USP12: variants seen among roughly 807,000 people sequenced by gnomAD.
The protein encoded by USP12 is ubiquitin carboxyl-terminal hydrolase 12.
In USP12, 19 loss-of-function variants were observed where a neutral mutation model predicts 45.5. That is an observed-to-expected ratio of 0.42 (90% confidence interval 0.29 to 0.61). USP12 has a LOEUF of 0.61. USP12 is among the 20% of genes least tolerant of loss of function. The pLI is 0.22. For synonymous variants in USP12, 149 were observed against 148.8 expected, an observed-to-expected ratio of 1.00 and a Z score of -0.01; for missense variants, 242 against 447.7, an observed-to-expected ratio of 0.54 and a Z score of 4.15.
intron 1 of USP12, among the ~76,000 whole-genome samples, chr13:27,163,535 C>T (rs1458449940): frequency 6.6e-6 from 1 of 152,098 alleles, no homozygotes; most frequent in Non-Finnish European, 1.5e-5. Context: ...AAAAACATCT[C>T]ATTGCATGCA....
intron 1 of USP12, among the ~76,000 whole-genome samples, chr13:27,160,888 A>G (rs1282132813): frequency 6.6e-6 from 1 of 151,416 alleles, no homozygotes; most frequent in African/African-American, 2.4e-5. Context: ...GCACAGCTCA[A>G]CCCATCTCCC....
At chr13:27,133,107 G>A (rs1237444210) in intron 1 of USP12, among the ~76,000 whole-genome samples, 1 of 152,144 alleles carries the variant, frequency 6.6e-6, no homozygotes, top group African/African-American at 2.4e-5. Flanking sequence ...ACTAGCTGTT[G>A]TCTCTCTAAT....
rs202096048 is a variant in USP12 at position 27,076,746 on chromosome 13, GA to G, written c.735-1359del. On this transcript the variant is annotated intron_variant, in intron 6 of 8. Coordinates refer to ENST00000282344, the MANE Select transcript of USP12 (RefSeq NM_182488.4). Reference sequence around the variant, plus strand: ...TGGTAAGCCACTGCCTCTAATAAGTGAAAAAAAAAATCATTTTATAACATTA... The same window carrying G: ...TGGTAAGCCACTGCCTCTAATAAGTGAAAAAAAAATCATTTTATAACATTA... Among the ~76,000 whole-genome samples the G allele has an allele frequency of 5.7e-4, 84 of 148,524 alleles. 1 individual carries two copies. The highest frequency in any genetic ancestry group is 8.5e-4 in the South Asian group (4 of 4,712).
chr13:27,074,745 T>C (rs576424205), intron 7 of USP12, among the ~76,000 whole-genome samples: 2 of 152,266 alleles, frequency 1.3e-5, no homozygotes, highest in Non-Finnish European at 2.9e-5. Flanking sequence ...AATTGGCTAA[T>C]AAGAAATGAT....
At chr13:27,145,013 G>A (rs1877249246) in intron 1 of USP12, among the ~76,000 whole-genome samples, 1 of 152,202 alleles carries the variant, frequency 6.6e-6, no homozygotes, top group Non-Finnish European at 1.5e-5. Flanking sequence ...GCTGCAGTGA[G>A]CCACGATCGC....
chr13:27,101,195 C>T (rs374302593), intron 3 of USP12, among the ~76,000 whole-genome samples: 12 of 152,234 alleles, frequency 7.9e-5, no homozygotes, highest in African/African-American at 2.9e-4. Context: ...AGTCCATTTT[C>T]CTTAGAGTAT....
At chr13:27,118,435 A>T (rs1461652028) in intron 1 of USP12, among the ~76,000 whole-genome samples, 1 of 152,172 alleles carries the variant, frequency 6.6e-6, no homozygotes, top group African/African-American at 2.4e-5. Context: ...TTTATTTCTA[A>T]ATTTGGATAG....
intron 3 of USP12, among the ~76,000 whole-genome samples, chr13:27,096,830 T>C (rs1211711080): frequency 1.3e-5 from 2 of 152,234 alleles, no homozygotes; most frequent in Admixed American, 1.3e-4. Context: ...TCAATGTACA[T>C]TTAATAAGTT....
intron 1 of USP12, among the ~76,000 whole-genome samples, chr13:27,166,019 C>G (rs1172715831): frequency 6.6e-6 from 1 of 151,962 alleles, no homozygotes; most frequent in Non-Finnish European, 1.5e-5. Flanking sequence ...AATTTTAGAC[C>G]TAGAAGGAGA....
intron 1 of USP12, among the ~76,000 whole-genome samples, chr13:27,159,459 C>T (rs1175214337): frequency 6.6e-6 from 1 of 152,164 alleles, no homozygotes; most frequent in African/African-American, 2.4e-5. Flanking sequence ...TACAAGTGTT[C>T]TATCATTAAA....
chr13:27,085,333 A>C (rs1422310356), intron 6 of USP12, among the ~76,000 whole-genome samples: 1 of 152,008 alleles, frequency 6.6e-6, no homozygotes, highest in Non-Finnish European at 1.5e-5. Context: ...GATGTGTGCC[A>C]CCACGCCTGG....
chr13:27,075,112 A>G, intron 7 of USP12, 79 bp downstream of exon 7: 1 of 1,382,102 alleles, frequency 7.2e-7, no homozygotes, highest in Non-Finnish European at 9.9e-7. Flanking sequence ...CTATATATGA[A>G]TAATTCATGA....
At chr13:27,142,417 T>A (rs936652939) in intron 1 of USP12, among the ~76,000 whole-genome samples, 3 of 152,228 alleles carry the variant, frequency 2.0e-5, no homozygotes, top group African/African-American at 7.2e-5. Flanking sequence ...AGATAACTGA[T>A]TAAATTTTAA....
chr13:27,108,159 T>C (rs1235755170), intron 2 of USP12, among the ~76,000 whole-genome samples: 2 of 151,298 alleles, frequency 1.3e-5, no homozygotes, highest in Non-Finnish European at 1.5e-5. Flanking sequence ...ATAGACTGGA[T>C]TAAGAAAATG....
rs746306332 is a variant in USP12, at chr13:27,105,800, C to T, written c.274G>A (p.Ala92Thr). 8 of 1,613,822 alleles carry T rather than the reference C, an allele frequency of 5.0e-6. No homozygotes were observed. Among genetic ancestry groups the T allele is most frequent in the Non-Finnish European group, 6.8e-6 (8 of 1,179,806 alleles). ...TCLADLFHSIATQKKKVGVIP... is the reference protein window; with the variant it reads ...TCLADLFHSITTQKKKVGVIP... The stretch of plus-strand genomic sequence containing the variant: ...ACTCCAACCTTTTTCTTCTGAGTGG[C>T]TATGCTATGGAAGAGATCTGCTAAG... The change falls in exon 3 of 9, where the codon GCC (alanine) becomes ACC (threonine). Residue 92 changes from alanine (A) to threonine (T), a missense_variant. By Grantham distance (58) the Ala-to-Thr change is moderately conservative. Coordinates refer to ENST00000282344, the MANE Select transcript of USP12 (RefSeq NM_182488.4).
intron 1 of USP12, among the ~76,000 whole-genome samples, chr13:27,118,101 C>T (rs570204030): frequency 2.0e-5 from 3 of 151,308 alleles, no homozygotes; most frequent in East Asian, 1.9e-4. Context: ...TTCAGCTACA[C>T]TGGGCATATG....
intron 6 of USP12, among the ~76,000 whole-genome samples, chr13:27,087,101 G>A (rs1193588267): frequency 6.8e-6 from 1 of 147,038 alleles, no homozygotes; most frequent in Non-Finnish European, 1.5e-5. Flanking sequence ...GGAAGGGGCT[G>A]TGTGTGTGTG....
intron 4 of USP12, 140 bp from the exon 5 acceptor site, chr13:27,090,298 T>C: frequency 1.6e-6 from 1 of 632,366 alleles, no homozygotes; most frequent in Non-Finnish European, 2.6e-6. Flanking sequence ...AACTACTTAA[T>C]TTGGATTATC....
intron 1 of USP12, among the ~76,000 whole-genome samples, chr13:27,145,574 A>G (rs1877272768): frequency 6.6e-6 from 1 of 152,190 alleles, no homozygotes; most frequent in East Asian, 1.9e-4. Context: ...CTAAATTACT[A>G]TGCTGAAGGA....
Sources: gnomAD v4.1 joint callset for allele counts (sites outside exome capture counted in the v4.1 genomes callset) on GRCh38, gnomAD v4.1.1 for gene constraint, MANE v1.5 for transcripts, NCBI Gene and HGNC (gene_info 2026-07-23, HGNC 2026-07-21) for gene names.